Variants in GPAT3 observed in about 807,000 individuals in gnomAD.
The protein encoded by GPAT3 is glycerol-3-phosphate acyltransferase 3, also known as 1-AGP acyltransferase 9.
Under a neutral mutation model 58.8 loss-of-function variants are expected in GPAT3, and 53 were observed. The observed-to-expected ratio is 0.90, with a 90% CI of 0.72 to 1.13. The LOEUF (loss-of-function observed/expected upper bound fraction) is 1.13. Among genes scored for constraint, GPAT3 ranks in the 50% most tolerant of loss-of-function variants. GPAT3 has a pLI of 0.00. For synonymous variants in GPAT3, 197 were observed against 187.4 expected (o/e 1.05, Z -0.42); for missense variants, 511 against 527.6 (o/e 0.97, Z 0.31).
chr4:83,542,740 A>C (rs142330945), intron 1 of GPAT3, among the ~76,000 whole-genome samples: 2 of 152,152 alleles, frequency 1.3e-5, no homozygotes, highest in Non-Finnish European at 2.9e-5. Context: ...GGTCACACCT[A>C]TAATCCCAGC....
At chr4:83,562,950 G>A (rs1465602140) in intron 2 of GPAT3, among the ~76,000 whole-genome samples, 4 of 152,170 alleles carry the variant, frequency 2.6e-5, no homozygotes, top group Non-Finnish European at 2.9e-5. Flanking sequence ...AACATTGAAT[G>A]TGTTATCTGT....
chr4:83,571,464 G>A (rs957796295), intron 2 of GPAT3, among the ~76,000 whole-genome samples: 1 of 151,304 alleles, frequency 6.6e-6, no homozygotes, highest in Non-Finnish European at 1.5e-5. Flanking sequence ...CATTTTTGTG[G>A]GTATGTAGTA....
intron 2 of GPAT3, among the ~76,000 whole-genome samples, chr4:83,581,077 C>T (rs530429082): frequency 8.6e-5 from 10 of 116,358 alleles, no homozygotes; most frequent in African/African-American, 1.4e-4. Flanking sequence ...GCCTGGGTGA[C>T]GGAGCAAGAC....
At chr4:83,598,447 C>T in intron 10 of GPAT3, 197 bp from the exon 11 acceptor site, 1 of 705,928 alleles carries the variant, frequency 1.4e-6, no homozygotes, top group Non-Finnish European at 2.4e-6. Flanking sequence ...AATATATGCA[C>T]ATGGTAAAAA....
chr4:83,559,631 A>C (rs1398448435), intron 2 of GPAT3, among the ~76,000 whole-genome samples: 1 of 152,132 alleles, frequency 6.6e-6, no homozygotes, highest in Non-Finnish European at 1.5e-5. Flanking sequence ...AGAAAGCAGG[A>C]AAGTTCTTCA....
At chr4:83,553,171 C>T (rs1251839653) in intron 2 of GPAT3, among the ~76,000 whole-genome samples, 1 of 152,086 alleles carries the variant, frequency 6.6e-6, no homozygotes, top group African/African-American at 2.4e-5. Flanking sequence ...GATGAATGAG[C>T]AGGATGAAGT....
intron 11 of GPAT3, among the ~76,000 whole-genome samples, chr4:83,601,441 A>C (rs1190723704): frequency 6.6e-6 from 1 of 152,254 alleles, no homozygotes; most frequent in African/African-American, 2.4e-5. Context: ...TTCTACAGTG[A>C]AAACTCATTT....
chr4:83,535,612 G>A (rs758023404), upstream of GPAT3: 6 of 699,822 alleles, frequency 8.6e-6, no homozygotes, highest in Non-Finnish European at 1.1e-5. Context: ...GAAAGGGAGT[G>A]ACAGATACTT....
At chr4:83,572,087 T>A (rs1214043052) in intron 2 of GPAT3, among the ~76,000 whole-genome samples, 2 of 152,178 alleles carry the variant, frequency 1.3e-5, no homozygotes, top group East Asian at 1.9e-4. Context: ...ATATATATTT[T>A]AAAATGTAGC....
chr4:83,543,142 A>G lies in GPAT3; in HGVS notation c.142-1394A>G, dbSNP rs566874938. 2.6e-5 allele frequency among the ~76,000 whole-genome samples: 4 copies of G among 152,292 alleles called. No homozygotes were observed. The South Asian group carries it at 8.3e-4, about 32-fold the overall frequency. On this transcript the variant is annotated intron_variant, in intron 1 of 11. Transcript: ENST00000264409. Reference sequence around the variant, plus strand: ...AGGTGAAACCCGGTTTTTACAAAAAATACAAAAATTAGCTGGGAATGATGA... The same window carrying G: ...AGGTGAAACCCGGTTTTTACAAAAAGTACAAAAATTAGCTGGGAATGATGA...
At chr4:83,544,763 G>A (rs1358828572) in intron 2 of GPAT3, 161 bp downstream of exon 2, 1 of 675,798 alleles carries the variant, frequency 1.5e-6, no homozygotes, top group Non-Finnish European at 2.5e-6. Context: ...AGTTTTCATG[G>A]ACTTTTTATT....
intron 1 of GPAT3, among the ~76,000 whole-genome samples, chr4:83,542,817 G>A (rs1056785288): frequency 7.2e-5 from 11 of 151,858 alleles, no homozygotes; most frequent in African/African-American, 2.7e-4. Flanking sequence ...GGACAACATA[G>A]TGAAACCCCA....
At chr4:83,598,970 G>A (rs1726957982) in intron 11 of GPAT3, among the ~76,000 whole-genome samples, 2 of 151,456 alleles carry the variant, frequency 1.3e-5, no homozygotes, top group African/African-American at 4.9e-5. Context: ...AAAATTTTTT[G>A]TAGAGATGGG....
chr4:83,581,270 T>C (rs1726113997), intron 2 of GPAT3, among the ~76,000 whole-genome samples: 1 of 151,954 alleles, frequency 6.6e-6, no homozygotes, highest in Admixed American at 6.6e-5. Flanking sequence ...GTGTGAGTTC[T>C]TTGTCTAATG....
At chr4:83,584,879 G>A (rs1726320816) in intron 3 of GPAT3, among the ~76,000 whole-genome samples, 1 of 152,206 alleles carries the variant, frequency 6.6e-6, no homozygotes, top group Non-Finnish European at 1.5e-5. Context: ...AAAACAGACT[G>A]TGGCTGAAAA....
chr4:83,562,179 T>TTATATATATATATATATAATATA (rs1725149981), intron 2 of GPAT3, among the ~76,000 whole-genome samples: 1 of 86,174 alleles, frequency 1.2e-5, no homozygotes, highest in Non-Finnish European at 2.1e-5. Flanking sequence ...ATTTTATATA[T>TTATATATATATATATATAATATA]TATATATATA....
At chr4:83,564,731 T>G (rs1725320806) in intron 2 of GPAT3, among the ~76,000 whole-genome samples, 1 of 152,170 alleles carries the variant, frequency 6.6e-6, no homozygotes, top group African/African-American at 2.4e-5. Flanking sequence ...AGCTTTTGTC[T>G]GTGGTGAGAG....
chr4:83,556,441 T>C (rs113474459), intron 2 of GPAT3, among the ~76,000 whole-genome samples: 7 of 150,898 alleles, frequency 4.6e-5, no homozygotes, highest in African/African-American at 1.7e-4. Flanking sequence ...GAGGTTGCAG[T>C]GAGTTGAGAT....
intron 2 of GPAT3, among the ~76,000 whole-genome samples, chr4:83,557,483 T>C (rs766856389): frequency 1.3e-5 from 2 of 151,980 alleles, no homozygotes; most frequent in Non-Finnish European, 2.9e-5. Context: ...GGGCCACACA[T>C]AAAATACACT....
Sources: gnomAD v4.1 joint callset for allele counts (sites outside exome capture counted in the v4.1 genomes callset) on GRCh38, gnomAD v4.1.1 for gene constraint, MANE v1.5 for transcripts, NCBI Gene and HGNC (gene_info 2026-07-23, HGNC 2026-07-21) for gene names.